LEO1: variants seen among roughly 807,000 people sequenced by gnomAD.
The protein encoded by LEO1 is LEO1 component of Paf1/RNA polymerase II complex.
A neutral mutation model predicts 80.4 loss-of-function variants in LEO1; 34 were observed. The ratio of observed to expected loss-of-function variants is 0.42; its 90% CI spans 0.32 to 0.56. The LOEUF (loss-of-function observed/expected upper bound fraction) is 0.56, where lower values mean the gene tolerates loss of function less well. Among genes scored for constraint, LEO1 ranks in the 20% least tolerant of loss-of-function variants. LEO1 has a pLI of 0.10. For missense variants in LEO1, 631 were observed against 814.2 expected, an observed-to-expected ratio of 0.77 and a Z score of 2.74; for synonymous variants, 262 against 274.9, an observed-to-expected ratio of 0.95 and a Z score of 0.46.
rs753932428 is a variant in LEO1 at position 51,966,004 on chromosome 15, T to G, written c.559A>C (p.Asn187His). The G allele has an allele frequency of 2.5e-6, 4 of 1,614,178 alleles. No homozygotes were observed. The highest frequency in any genetic ancestry group is 3.4e-6 in the Non-Finnish European group (4 of 1,180,024). ...TGAGGCCTCTCCTCATCATCTGTGT[T>G]CTGCATTTTCTCATCATCGTCAGAA... Reference protein sequence around the residue: ...QNSDDDEKMQNTDDEERPQLS... With the variant: ...QNSDDDEKMQHTDDEERPQLS... Residue 187 changes from asparagine to histidine, a missense_variant, in exon 2 of 12, where the codon AAC becomes CAC. Asn to His is a moderately conservative substitution (Grantham distance 68). Around this residue, in one of 4 missense-constraint regions of LEO1, gnomAD observed 394 missense variants for 395.6 expected, o/e 1.00. Coordinates refer to ENST00000299601, the MANE Select transcript of LEO1 (RefSeq NM_138792.4).
At position 51,959,916 on chromosome 15, in the gene LEO1, A is replaced by G. The variant is rs1232861748; in HGVS notation, c.1143T>C (p.Phe381=). 6.2e-7 allele frequency: 1 copy of G among 1,609,152 alleles called. No homozygotes were observed. The highest frequency in any genetic ancestry group is 1.7e-5 in the Admixed American group (1 of 58,926). Residue 381 remains phenylalanine (F), a synonymous_variant, in exon 5 of 12, where the codon TTT becomes TTC. Coordinates refer to ENST00000299601, the MANE Select transcript of LEO1 (RefSeq NM_138792.4). ...TTCCTTACCTGGGCTCTACACTGAG[A>G]AAGTTGGGCAGTTTAACAAAATATA... ...NDLYFVKLPN[F]LSVEPRPFDP...
chr15:51,957,461 GA>G (rs541829435), intron 6 of LEO1, among the ~76,000 whole-genome samples: 1 of 150,000 alleles, frequency 6.7e-6, no homozygotes, highest in Admixed American at 6.6e-5. Context: ...GGGAGGACAG[GA>G]AAAAAAAATA....
chr15:51,962,366 TATATATATA>T lies in LEO1; in HGVS notation c.919+14_919+22del, dbSNP rs1250836534. 7.1e-7 allele frequency: 1 copy of T among 1,406,164 alleles called. No individual in the cohort carries two copies. Among genetic ancestry groups the T allele is most frequent in the East Asian group, 2.3e-5 (1 of 42,784 alleles). 87.1% of individuals were successfully genotyped at this position (1,406,164 alleles called of 1,614,324 possible). A position where few individuals can be genotyped will look rare whatever the true frequency, so the allele number is the denominator to read the frequency against. On this transcript the variant is annotated intron_variant, in intron 3 of 11. Transcript: ENST00000299601. ...ACAGAAAGAGGTATGGAAATATACA[TATATATATA>T]ATAATAGGGATACCTTTTGGCACCT...
rs1390027387 is a variant in LEO1 at position 51,952,562 on chromosome 15, T to A, written c.1475+567A>T. ...CATTACCCAAAGAGGATGGTCTGCT[T>A]ATAATCAAGAAAGAGAAGCATGAAC... On this transcript the variant is annotated intron_variant, in intron 8 of 11. Transcript: ENST00000299601. 2.0e-5 allele frequency among the ~76,000 whole-genome samples: 3 copies of A among 152,258 alleles called. No homozygotes were observed. The East Asian group carries it at 5.8e-4, about 29-fold the overall frequency.
intron 2 of LEO1, among the ~76,000 whole-genome samples, chr15:51,964,098 C>T (rs893177346): frequency 1.3e-5 from 2 of 151,044 alleles, no homozygotes; most frequent in African/African-American, 2.4e-5. Flanking sequence ...CCCAGCTACT[C>T]GGGAGGCTGA....
intron 6 of LEO1, among the ~76,000 whole-genome samples, chr15:51,956,183 C>T (rs1478136545): frequency 6.6e-6 from 1 of 151,996 alleles, no homozygotes; most frequent in African/African-American, 2.4e-5. Flanking sequence ...TTTGGGAGGC[C>T]GAGGCAGGCA....
At chr15:51,968,434 G>T (rs2141784257) in intron 1 of LEO1, among the ~76,000 whole-genome samples, 1 of 152,200 alleles carries the variant, frequency 6.6e-6, no homozygotes, top group East Asian at 1.9e-4. Context: ...CCAGCTACTG[G>T]GAATAATGAG....
Position 51,971,719 on chromosome 15 carries a change from C to A in LEO1, c.27G>T (p.Gly9=), listed in dbSNP as rs1366505732. The A allele has an allele frequency of 6.2e-7, 1 of 1,614,198 alleles. No individual in the cohort carries two copies. The highest frequency in any genetic ancestry group is 1.3e-5 in the African/African-American group (1 of 75,078). Reference sequence around the variant, plus strand: ...GCTCAGCTTCGCTGTCGGCGTCGCTCCCGAAGAGATCCTCCATATCCGCCA... The same window carrying A: ...GCTCAGCTTCGCTGTCGGCGTCGCTACCGAAGAGATCCTCCATATCCGCCA... The part of the protein sequence containing the change: MADMEDLF[G]SDADSEAERK... The change falls in exon 1 of 12, where the codon GGG becomes GGT. Residue 9 remains glycine, a synonymous_variant. Coordinates refer to ENST00000299601, the MANE Select transcript of LEO1 (RefSeq NM_138792.4).
chr15:51,938,272 C>A lies in LEO1; in HGVS notation c.1897-12G>T, dbSNP rs544074471. 8.3e-5 allele frequency: 121 copies of A among 1,452,434 alleles called. 1 individual carries two copies. The highest frequency in any genetic ancestry group is 1.0e-4 in the Non-Finnish European group (109 of 1,049,906). The allele number at this position is 1,452,434 out of a possible 1,614,324, so 90.0% of individuals were successfully genotyped here. On this transcript the variant is annotated splice_polypyrimidine_tract_variant and intron_variant, in intron 11 of 11. Transcript: ENST00000299601. ...GAAGGTTCACCTTCCTAAACAGATACAATTTTTACAAATCTACAAGTCAAT... is the reference window on the plus strand; with the variant it reads ...GAAGGTTCACCTTCCTAAACAGATAAAATTTTTACAAATCTACAAGTCAAT...
rs553718815 is a variant in LEO1, at chr15:51,949,743, A to G, written c.1798+65T>C. ...TCCAGTGACTTGGCAGCCGGATTAC[A>G]TCTAATGCCAAGATGAAGTCCAGAA... On this transcript the variant is annotated intron_variant, in intron 10 of 11. Coordinates refer to ENST00000299601, the MANE Select transcript of LEO1 (RefSeq NM_138792.4). 2,246 of 1,398,860 alleles carry G rather than the reference A, an allele frequency of 1.6e-3. 6 individuals carry two copies. Among genetic ancestry groups the G allele is most frequent in the South Asian group, 2.5e-3 (193 of 78,340 alleles). 86.7% of individuals were successfully genotyped at this position (1,398,860 alleles called of 1,614,324 possible). A position where few individuals can be genotyped will look rare whatever the true frequency, so the allele number is the denominator to read the frequency against.
At chr15:51,938,360 CA>C (rs1370946173) in intron 11 of LEO1, 100 bp from the exon 12 acceptor site, 2 of 670,114 alleles carry the variant, frequency 3.0e-6, no homozygotes, top group East Asian at 5.5e-5. Context: ...TCTGACAACT[CA>C]AAGTAACGGT....
At chr15:51,962,925 G>GC (rs35454454) in intron 2 of LEO1, among the ~76,000 whole-genome samples, 39,367 of 146,690 alleles carry the variant, frequency 0.27, 5,338 homozygotes, top group African/African-American at 0.33. Flanking sequence ...TGCAGAACAT[G>GC]CCCCCCCCCC....
intron 11 of LEO1, among the ~76,000 whole-genome samples, chr15:51,940,811 A>G (rs901596404): frequency 6.6e-6 from 1 of 151,984 alleles, no homozygotes; most frequent in Non-Finnish European, 1.5e-5. Flanking sequence ...TAAAATAAAT[A>G]ATAAGGCCGT....
rs770742206 is a variant in LEO1, at chr15:51,960,679, C to T, written c.974G>A (p.Ser325Asn). The change falls in exon 4 of 12, where the codon AGT becomes AAT. Residue 325 changes from serine (S) to asparagine (N), a missense_variant. Physicochemically the swap from Ser to Asn is conservative, Grantham distance 46. Around this residue, in one of 4 missense-constraint regions of LEO1, gnomAD observed 394 missense variants for 395.6 expected, o/e 1.00. Coordinates refer to ENST00000299601, the MANE Select transcript of LEO1 (RefSeq NM_138792.4). ...FGGADDISSGSDGEDKPPTPG... is the reference protein window; with the variant it reads ...FGGADDISSGNDGEDKPPTPG... Reference sequence around the variant, plus strand: ...AGTAGGTGGTTTGTCTTCTCCATCACTCCCTGAAGAGATATCATCTGCACC... The same window carrying T: ...AGTAGGTGGTTTGTCTTCTCCATCATTCCCTGAAGAGATATCATCTGCACC... 2.5e-6 allele frequency: 4 copies of T among 1,612,082 alleles called. No homozygotes were observed. The highest frequency in any genetic ancestry group is 2.2e-5 in the East Asian group (1 of 44,864).
chr15:51,940,697 A>G lies in LEO1; in HGVS notation c.1897-2437T>C, dbSNP rs2056843718. ...TTTGGGAGGCCAAAGTGGGAGGATC[A>G]CTTGAGGCCAGGAGTTTGAGTGAGA... On this transcript the variant is annotated intron_variant, in intron 11 of 11. Coordinates refer to ENST00000299601, the MANE Select transcript of LEO1 (RefSeq NM_138792.4). Among the ~76,000 whole-genome samples the G allele has an allele frequency of 2.0e-5, 3 of 152,120 alleles. No homozygotes were observed. The South Asian group carries it at 6.2e-4, about 31-fold the overall frequency.
chr15:51,967,637 G>A (rs923982127), intron 1 of LEO1, among the ~76,000 whole-genome samples: 6 of 152,122 alleles, frequency 3.9e-5, no homozygotes, highest in South Asian at 2.1e-4. Context: ...TTCCAAAAGC[G>A]GGCAAAAGAG....
At chr15:51,950,980 T>C (rs2056944278) in intron 9 of LEO1, among the ~76,000 whole-genome samples, 1 of 152,260 alleles carries the variant, frequency 6.6e-6, no homozygotes. Flanking sequence ...TGCCGCTATA[T>C]ACCACTAGGT....
intron 11 of LEO1, among the ~76,000 whole-genome samples, chr15:51,943,248 G>A (rs550319723): frequency 1.6e-4 from 24 of 148,740 alleles, no homozygotes; most frequent in African/African-American, 5.0e-4. Context: ...GCGTGGTGGC[G>A]GGCACCTGTA....
chr15:51,948,708 CAG>C (rs2056922099), intron 10 of LEO1, among the ~76,000 whole-genome samples: 1 of 152,150 alleles, frequency 6.6e-6, no homozygotes. Flanking sequence ...AATGAGGTAA[CAG>C]AAGTTAAGGG....
Sources: gnomAD v4.1 joint callset for allele counts (sites outside exome capture counted in the v4.1 genomes callset) on GRCh38, gnomAD v4.1.1 for gene constraint, gnomAD v4.1.1 regional missense constraint, MANE v1.5 for transcripts, NCBI Gene and HGNC (gene_info 2026-07-23, HGNC 2026-07-21) for gene names.